PPP2R5C: variants seen among roughly 807,000 people sequenced by gnomAD.
PPP2R5C encodes the protein serine/threonine-protein phosphatase 2A 56 kDa regulatory subunit gamma isoform.
A neutral mutation model predicts 68.9 loss-of-function variants in PPP2R5C; 7 were observed. The observed-to-expected ratio is 0.10, with a 90% CI of 0.06 to 0.19. The LOEUF is 0.19. Ranked by LOEUF, PPP2R5C falls within the 10% of genes least tolerant of loss-of-function variation. The pLI is 1.00. For missense variants in PPP2R5C, 348 were observed against 641.3 expected, an observed-to-expected ratio of 0.54 and a Z score of 4.94; for synonymous variants, 210 against 222.2, an observed-to-expected ratio of 0.95 and a Z score of 0.49.
chr14:101,838,600 G>A (rs1221311431), intron 1 of PPP2R5C, among the ~76,000 whole-genome samples: 5 of 152,120 alleles, frequency 3.3e-5, no homozygotes, highest in South Asian at 2.1e-4. Flanking sequence ...TGTCCCCCTC[G>A]CCCCAGGAGG....
At chr14:101,831,090 G>A (rs1041269973) in intron 1 of PPP2R5C, among the ~76,000 whole-genome samples, 1 of 152,184 alleles carries the variant, frequency 6.6e-6, no homozygotes, top group Non-Finnish European at 1.5e-5. Flanking sequence ...TGCAGGGCTG[G>A]CAGCTACATG....
At chr14:101,814,826 A>G (rs1321478161) in intron 1 of PPP2R5C, among the ~76,000 whole-genome samples, 1 of 152,180 alleles carries the variant, frequency 6.6e-6, no homozygotes, top group Non-Finnish European at 1.5e-5. Context: ...TTTGGATCCT[A>G]CAGCACTTTG....
At chr14:101,820,110 A>T (rs2039962200) in intron 1 of PPP2R5C, 1 of 152,340 alleles carries the variant, frequency 6.6e-6, no homozygotes, top group East Asian at 1.9e-4. Flanking sequence ...TTGACAGAAC[A>T]AAAAGCAGAC....
At chr14:101,805,327 A>T (rs747801799), upstream of PPP2R5C, among the ~76,000 whole-genome samples, 1 of 152,178 alleles carries the variant, frequency 6.6e-6, no homozygotes, top group Non-Finnish European at 1.5e-5. Flanking sequence ...CAGCCTCCCA[A>T]AGAAAGCGCT....
chr14:101,915,793 C>T lies in PPP2R5C; in HGVS notation c.1327-2038C>T, dbSNP rs935970198. On this transcript the variant is annotated intron_variant, in intron 12 of 13. Transcript: ENST00000334743. This position sits in a 1 kb window ranked among gnomAD's most constrained non-coding sequence, Gnocchi z 4.2. ...CATTAGGAGAGGCAGATGAATTCAG[C>T]TCAGATGATCAGATTGTATTAATAA... is the stretch of plus-strand genomic sequence containing the variant. 6.6e-6 allele frequency among the ~76,000 whole-genome samples: 1 copy of T among 152,226 alleles called. No individual in the cohort carries two copies. The highest frequency in any genetic ancestry group is 2.4e-5 in the African/African-American group (1 of 41,462).
intron 2 of PPP2R5C, among the ~76,000 whole-genome samples, chr14:101,860,937 G>A: frequency 6.6e-6 from 1 of 152,122 alleles, no homozygotes. Flanking sequence ...CAATTCCCAG[G>A]GGAGCCAGTT....
chr14:101,788,383 A>C (rs1223801127), intron 3 of PPP2R5C, among the ~76,000 whole-genome samples: 1 of 152,196 alleles, frequency 6.6e-6, no homozygotes, highest in Admixed American at 6.5e-5. Flanking sequence ...TGCATTTGTC[A>C]GTTTTGTCGC....
At chr14:101,778,245 T>A (rs191322389) in intron 2 of PPP2R5C, among the ~76,000 whole-genome samples, 2 of 152,362 alleles carry the variant, frequency 1.3e-5, no homozygotes, top group African/African-American at 4.8e-5. Flanking sequence ...GTTCAAGTCC[T>A]TTGCCCATTT....
At chr14:101,763,242 C>T (rs192845543) in intron 2 of PPP2R5C, among the ~76,000 whole-genome samples, 33 of 151,786 alleles carry the variant, frequency 2.2e-4, no homozygotes, top group Non-Finnish European at 4.0e-4. Context: ...TTTTTTGAGA[C>T]GGGGTCTCAC....
intron 1 of PPP2R5C, among the ~76,000 whole-genome samples, chr14:101,838,359 C>T (rs1362624482): frequency 6.6e-6 from 1 of 152,228 alleles, no homozygotes; most frequent in African/African-American, 2.4e-5. Flanking sequence ...TTGTAAAATT[C>T]ACTTTCCATT....
intron 1 of PPP2R5C, among the ~76,000 whole-genome samples, chr14:101,846,557 G>A (rs1297303527): frequency 6.6e-6 from 1 of 152,208 alleles, no homozygotes; most frequent in Non-Finnish European, 1.5e-5. Context: ...AAGGGTCAGG[G>A]TAGAAGTTAG....
intron 2 of PPP2R5C, among the ~76,000 whole-genome samples, chr14:101,770,513 A>G (rs1371996147): frequency 6.6e-6 from 1 of 152,234 alleles, no homozygotes; most frequent in African/African-American, 2.4e-5. Context: ...GCTTTGGGTG[A>G]GAAAATCAGA....
intron 2 of PPP2R5C, among the ~76,000 whole-genome samples, chr14:101,870,594 C>T (rs2043340793): frequency 6.6e-6 from 1 of 152,186 alleles, no homozygotes; most frequent in South Asian, 2.1e-4. Flanking sequence ...ACTGCTATAA[C>T]CTCTTTCTTC....
chr14:101,782,052 TTCTCTCTTTC>T (rs2037730984), intron 2 of PPP2R5C, among the ~76,000 whole-genome samples: 1 of 80,876 alleles, frequency 1.2e-5, no homozygotes, highest in Non-Finnish European at 2.5e-5. Flanking sequence ...TCTCTCCCCC[TTCTCTCTTTC>T]TCCCTCTCCC....
chr14:101,860,927 CAAT>C (rs2042701562), intron 2 of PPP2R5C, among the ~76,000 whole-genome samples: 2 of 152,138 alleles, frequency 1.3e-5, no homozygotes, highest in Non-Finnish European at 2.9e-5. Context: ...TGGTGAGGAG[CAAT>C]TCCCAGGGGA....
chr14:101,853,769 G>A (rs2042279987), intron 1 of PPP2R5C, among the ~76,000 whole-genome samples: 2 of 152,106 alleles, frequency 1.3e-5, no homozygotes, highest in African/African-American at 4.8e-5. Flanking sequence ...CGGGGTAACG[G>A]CACTGGCTTG....
At chr14:101,764,044 C>A in intron 2 of PPP2R5C, among the ~76,000 whole-genome samples, 1 of 149,278 alleles carries the variant, frequency 6.7e-6, no homozygotes, top group African/African-American at 2.6e-5. Context: ...CGCGCACTTG[C>A]GCGTCGGCCA....
At chr14:101,799,718 C>A (rs1167365332) in intron 3 of PPP2R5C, among the ~76,000 whole-genome samples, 1 of 152,184 alleles carries the variant, frequency 6.6e-6, no homozygotes, top group African/African-American at 2.4e-5. Flanking sequence ...AAGGTCCAGG[C>A]GGTTCAAAAT....
chr14:101,906,680 C>T lies in PPP2R5C; in HGVS notation c.1151+151C>T, dbSNP rs1326762328. ...TGTGGACTCATAAATTAAGTAGCAG[C>T]GTGGGTTGTTTCTGTGGCCGTTGAA... is the stretch of plus-strand genomic sequence containing the variant. On this transcript the variant is annotated intron_variant, in intron 10 of 13. Transcript: ENST00000334743. This position sits in a 1 kb window ranked among gnomAD's most constrained non-coding sequence, Gnocchi z 4.0. 8 of 1,064,540 alleles carry T rather than the reference C, an allele frequency of 7.5e-6. No individual in the cohort carries two copies. The highest frequency in any genetic ancestry group is 1.1e-5 in the Non-Finnish European group (8 of 759,790). 65.9% of individuals were successfully genotyped at this position (1,064,540 alleles called of 1,614,324 possible). A position where few individuals can be genotyped will look rare whatever the true frequency, so the allele number is the denominator to read the frequency against.
Sources: gnomAD v4.1 joint callset for allele counts (sites outside exome capture counted in the v4.1 genomes callset) on GRCh38, gnomAD v4.1.1 for gene constraint, Gnocchi (gnomAD v3.1) non-coding constraint, MANE v1.5 for transcripts, NCBI Gene and HGNC (gene_info 2026-07-23, HGNC 2026-07-21) for gene names.